Variants in ALMS1 observed in about 807,000 individuals in gnomAD.
ALMS1 encodes the protein ALMS1 centrosome and basal body associated protein, also known as centrosome-associated protein ALMS1.
In ALMS1, 271 loss-of-function variants were observed where a neutral mutation model predicts 352.2. That is an observed-to-expected ratio of 0.77 (90% confidence interval 0.70 to 0.85). The LOEUF (loss-of-function observed/expected upper bound fraction) is 0.85, where lower values mean the gene tolerates loss of function less well. Ranked by LOEUF, ALMS1 falls within the 40% of genes least tolerant of loss-of-function variation. The pLI, the probability that ALMS1 is intolerant of heterozygous loss-of-function variation, is 0.00. For synonymous variants in ALMS1, 1,865 were observed against 1,761.2 expected (o/e 1.06, Z -1.48); for missense variants, 5,445 against 4,870.7 (o/e 1.12, Z -3.51).
At chr2:73,409,975 T>C (rs568413243) in intron 2 of ALMS1, among the ~76,000 whole-genome samples, 1 of 152,300 alleles carries the variant, frequency 6.6e-6, no homozygotes, top group East Asian at 1.9e-4. Flanking sequence ...GAGAACACAT[T>C]CTCTCTTGCT....
At chr2:73,417,995 C>G (rs1316084803) in intron 2 of ALMS1, among the ~76,000 whole-genome samples, 1 of 152,116 alleles carries the variant, frequency 6.6e-6, no homozygotes, top group African/African-American at 2.4e-5. Context: ...TGTTTAGAAA[C>G]TTTTATAGTA....
chr2:73,599,522 G>A lies in ALMS1; in HGVS notation c.11668+1G>A, dbSNP rs1181992959. ...ATGTTAAACAAGGGCATACAAGCAG[G>A]TAATTACTTGAATCTAAACTTTTTC... On this transcript the variant is annotated splice_donor_variant, in intron 17 of 22. Transcript: ENST00000613296. LOFTEE classifies it high-confidence loss of function. 1 of 1,613,274 alleles carries A rather than the reference G, an allele frequency of 6.2e-7. No homozygotes were observed. Among genetic ancestry groups the A allele is most frequent in the Non-Finnish European group, 8.5e-7 (1 of 1,179,630 alleles).
intron 7 of ALMS1, among the ~76,000 whole-genome samples, chr2:73,444,095 T>G (rs190553005): frequency 1.1e-3 from 169 of 152,288 alleles, no homozygotes; most frequent in Middle Eastern, 6.8e-3. Flanking sequence ...GGTTGTTATT[T>G]GTTGGATATC....
intron 6 of ALMS1, among the ~76,000 whole-genome samples, chr2:73,431,206 G>A (rs1671493221): frequency 6.6e-6 from 1 of 152,134 alleles, no homozygotes; most frequent in Non-Finnish European, 1.5e-5. Flanking sequence ...AATGTCCCTT[G>A]ATGGGTACAA....
chr2:73,569,194 T>C (rs1674869916), intron 15 of ALMS1, among the ~76,000 whole-genome samples: 1 of 151,900 alleles, frequency 6.6e-6, no homozygotes, highest in Admixed American at 6.6e-5. Flanking sequence ...TTTGTATTTT[T>C]AGTAGAGATG....
At chr2:73,406,959 G>GGT (rs1382602316) in intron 1 of ALMS1, among the ~76,000 whole-genome samples, 52 of 152,168 alleles carry the variant, frequency 3.4e-4, no homozygotes, top group Non-Finnish European at 5.7e-4. Flanking sequence ...ACATTTTACT[G>GGT]GTGTCACAAG....
At chr2:73,555,757 C>G (rs562111666) in intron 13 of ALMS1, among the ~76,000 whole-genome samples, 2 of 152,170 alleles carry the variant, frequency 1.3e-5, no homozygotes, top group South Asian at 4.2e-4. Context: ...TAGGAAATAG[C>G]CTTAAGTTGA....
chr2:73,412,151 C>A (rs978245489), intron 2 of ALMS1, among the ~76,000 whole-genome samples: 1 of 152,154 alleles, frequency 6.6e-6, no homozygotes, highest in Non-Finnish European at 1.5e-5. Flanking sequence ...CTTTGACATA[C>A]GTATACAGTC....
chr2:73,575,811 AC>A (rs1675040364), intron 16 of ALMS1, among the ~76,000 whole-genome samples: 1 of 151,794 alleles, frequency 6.6e-6, no homozygotes, highest in African/African-American at 2.4e-5. Context: ...GTGTCTTCTG[AC>A]ATATAGAAGT....
intron 2 of ALMS1, among the ~76,000 whole-genome samples, chr2:73,413,390 A>T (rs577117754): frequency 6.6e-6 from 1 of 152,102 alleles, no homozygotes; most frequent in East Asian, 1.9e-4. Flanking sequence ...GCCTAATCCT[A>T]TGTCACTGAG....
intron 12 of ALMS1, among the ~76,000 whole-genome samples, chr2:73,538,108 T>G (rs929913429): frequency 6.6e-6 from 1 of 152,164 alleles, no homozygotes; most frequent in Non-Finnish European, 1.5e-5. Flanking sequence ...GTCAAAAGAA[T>G]GAAAAGGTGA....
Position 73,519,953 on chromosome 2 carries a change from G to A in ALMS1, c.9718G>A (p.Ala3240Thr), listed in dbSNP as rs1405658553. 1.9e-6 allele frequency: 3 copies of A among 1,614,098 alleles called. No homozygotes were observed. The highest frequency in any genetic ancestry group is 2.2e-5 in the South Asian group (2 of 91,076). Residue 3240 changes from alanine to threonine, a missense_variant, in exon 11 of 23, where the codon GCT becomes ACT. Physicochemically the swap from Ala to Thr is moderately conservative, Grantham distance 58. Coordinates refer to ENST00000613296, the MANE Select transcript of ALMS1 (RefSeq NM_001378454.1). ...GCCTGGTAACCAGAAGCTACGCAAA[G>A]CTCCTGTCAAGTTTGCCTCATCATC... ...IEPGNQKLRKAPVKFASSSSV... is the reference protein window; with the variant it reads ...IEPGNQKLRKTPVKFASSSSV...
chr2:73,394,182 A>G (rs1410277201), intron 1 of ALMS1, among the ~76,000 whole-genome samples: 1 of 152,188 alleles, frequency 6.6e-6, no homozygotes, highest in Non-Finnish European at 1.5e-5. Context: ...GAGTTCTCCA[A>G]CTTTGCTTTC....
chr2:73,400,081 G>C (rs1670843778), intron 1 of ALMS1, among the ~76,000 whole-genome samples: 1 of 151,918 alleles, frequency 6.6e-6, no homozygotes, highest in Non-Finnish European at 1.5e-5. Context: ...GGGACCACAG[G>C]CATGTGCCAC....
intron 9 of ALMS1, among the ~76,000 whole-genome samples, chr2:73,479,277 C>G (rs1320975457): frequency 2.0e-5 from 3 of 152,154 alleles, no homozygotes; most frequent in Non-Finnish European, 4.4e-5. Flanking sequence ...TGATATATCA[C>G]AACCACAACG....
At position 73,568,955 on chromosome 2, in the gene ALMS1, A is replaced by G. The variant is rs1674859860; in HGVS notation, c.10385-3307A>G. Among the ~76,000 whole-genome samples the G allele has an allele frequency of 3.3e-5, 4 of 121,694 alleles. No homozygotes were observed. In the Admixed American group the frequency reaches 3.5e-4, roughly 11 times the overall value. The allele number at this position is 121,694 out of a possible 152,430, so 79.8% of individuals were successfully genotyped here. A position where few individuals can be genotyped will look rare whatever the true frequency, so the allele number is the denominator to read the frequency against. On this transcript the variant is annotated intron_variant, in intron 15 of 22. Coordinates refer to ENST00000613296, the MANE Select transcript of ALMS1 (RefSeq NM_001378454.1). ...ATCCTGTTGTTTTATAAAGCCCTTTATACTTAAGGAATTCAGCTTGCTTGC... is the reference window on the plus strand; with the variant it reads ...ATCCTGTTGTTTTATAAAGCCCTTTGTACTTAAGGAATTCAGCTTGCTTGC...
intron 15 of ALMS1, 28 bp downstream of exon 15, chr2:73,559,170 T>C: frequency 3.1e-6 from 5 of 1,601,564 alleles, no homozygotes; most frequent in Non-Finnish European, 4.3e-6. Flanking sequence ...TGTATGAGTG[T>C]GTGTGTCTTT....
chr2:73,430,226 G>A (rs1671472272), intron 6 of ALMS1, among the ~76,000 whole-genome samples: 3 of 151,784 alleles, frequency 2.0e-5, no homozygotes, highest in South Asian at 2.1e-4. Context: ...ACAGGTGCCC[G>A]CCCCCATGCC....
At position 73,448,207 on chromosome 2, in the gene ALMS1, A is replaced by C. The variant is rs770779545; in HGVS notation, c.1680A>C (p.Pro560=). The change falls in exon 8 of 23, where the codon CCA becomes CCC. Residue 560 remains proline (P), a synonymous_variant. Transcript: ENST00000613296. The stretch of plus-strand genomic sequence containing the variant: ...TGAAAGTCACAGCTATTCCTGAACC[A>C]GCTGACCAGAAGACTGCAACACCAA... ...ETLKVTAIPE[P]ADQKTATPTV... 1 of 1,614,080 alleles carries C rather than the reference A, an allele frequency of 6.2e-7. No individual in the cohort carries two copies. The highest frequency in any genetic ancestry group is 8.5e-7 in the Non-Finnish European group (1 of 1,179,928).
Sources: gnomAD v4.1 joint callset for allele counts (sites outside exome capture counted in the v4.1 genomes callset) on GRCh38, gnomAD v4.1.1 for gene constraint, MANE v1.5 for transcripts, NCBI Gene and HGNC (gene_info 2026-07-23, HGNC 2026-07-21) for gene names.